The following PABPC1L variants were observed in gnomAD, a reference collection of about 807,000 sequenced individuals.
The protein encoded by PABPC1L is poly(A) binding protein cytoplasmic 1 like.
Under a neutral mutation model 66.6 loss-of-function variants are expected in PABPC1L, and 31 were observed. The observed-to-expected ratio is 0.47, with a 90% CI of 0.35 to 0.63. PABPC1L has a LOEUF of 0.63. PABPC1L is among the 20% of genes least tolerant of loss of function. The pLI, the probability that PABPC1L is intolerant of heterozygous loss-of-function variation, is 0.00. For synonymous variants in PABPC1L, 348 were observed against 335.1 expected (o/e 1.04, Z -0.42); for missense variants, 722 against 848.8 (o/e 0.85, Z 1.86).
At chr20:44,935,098 T>G (rs2066891156) in intron 10 of PABPC1L, among the ~76,000 whole-genome samples, 1 of 151,888 alleles carries the variant, frequency 6.6e-6, no homozygotes, top group Admixed American at 6.6e-5. Context: ...AGAAAATGTT[T>G]GTACAAATAG....
At chr20:44,938,247 C>T in intron 13 of PABPC1L, 56 bp downstream of exon 13, 4 of 1,583,410 alleles carry the variant, frequency 2.5e-6, no homozygotes, top group Non-Finnish European at 3.4e-6. Context: ...GAGCTAACGA[C>T]AAGGGCTCTC....
chr20:44,923,323 G>A (rs752595895), intron 6 of PABPC1L, among the ~76,000 whole-genome samples: 1 of 152,010 alleles, frequency 6.6e-6, no homozygotes, highest in Non-Finnish European at 1.5e-5. Flanking sequence ...TTGTTGTGAG[G>A]ATTAAAAATC....
chr20:44,933,676 C>A (rs1887545438), intron 10 of PABPC1L, among the ~76,000 whole-genome samples: 1 of 150,680 alleles, frequency 6.6e-6, no homozygotes, highest in Non-Finnish European at 1.5e-5. Flanking sequence ...AACTCCTGAT[C>A]TCAGGTGATC....
intron 6 of PABPC1L, among the ~76,000 whole-genome samples, 162 bp downstream of exon 6, chr20:44,921,893 C>T (rs1217748098): frequency 6.6e-6 from 1 of 152,192 alleles, no homozygotes; most frequent in East Asian, 1.9e-4. Flanking sequence ...TAATGTATAA[C>T]AGTGAGAAAC....
chr20:44,927,539 G>T (rs867472074), intron 7 of PABPC1L, among the ~76,000 whole-genome samples: 10 of 151,834 alleles, frequency 6.6e-5, no homozygotes, highest in Non-Finnish European at 2.9e-5. Context: ...AGTAGAGATG[G>T]GGTGTCACTA....
chr20:44,935,362 T>TTTTTG (rs749198838), intron 10 of PABPC1L, 29 bp from the exon 11 acceptor site: 437 of 1,567,140 alleles, frequency 2.8e-4, no homozygotes, highest in Non-Finnish European at 3.4e-4. Flanking sequence ...AACTCTGCTT[T>TTTTTG]TTTTGTTTTG....
At chr20:44,938,395 G>A (rs149572140) in intron 13 of PABPC1L, among the ~76,000 whole-genome samples, 52 of 152,338 alleles carry the variant, frequency 3.4e-4, no homozygotes, top group Non-Finnish European at 2.9e-5. Context: ...GACTAATTCT[G>A]TGTTGTTCTG....
rs543570096 is a variant in PABPC1L at position 44,929,958 on chromosome 20, G to C, written c.973-502G>C. ...GGCTTGGTACTTAGCAGAGGCGATAGAAGCTTACCAGAACAATGTGTTGGG... is the reference window on the plus strand; with the variant it reads ...GGCTTGGTACTTAGCAGAGGCGATACAAGCTTACCAGAACAATGTGTTGGG... On this transcript the variant is annotated intron_variant, in intron 7 of 14. Transcript: ENST00000217073. Among the ~76,000 whole-genome samples the C allele has an allele frequency of 4.6e-5, 7 of 152,286 alleles. No homozygotes were observed. In the South Asian group the frequency reaches 1.0e-3, roughly 23 times the overall value.
chr20:44,913,670 G>A (rs571374579), intron 2 of PABPC1L, among the ~76,000 whole-genome samples: 1 of 152,030 alleles, frequency 6.6e-6, no homozygotes, highest in Admixed American at 6.5e-5. Context: ...CAAAATGCTG[G>A]GATTACAGCC....
chr20:44,911,219 C>T lies in PABPC1L; in HGVS notation c.193+883C>T, dbSNP rs555575045. 1.6e-3 allele frequency among the ~76,000 whole-genome samples: 236 copies of T among 151,688 alleles called. 1 individual carries two copies. The highest frequency in any genetic ancestry group is 5.1e-3 in the African/African-American group (208 of 41,076). ...TGGCTCACGCCTGTAATCCCAGCATCTTAGGAGGCCGAGGTGGGCAGATCA... is the reference window on the plus strand; with the variant it reads ...TGGCTCACGCCTGTAATCCCAGCATTTTAGGAGGCCGAGGTGGGCAGATCA... On this transcript the variant is annotated intron_variant, in intron 1 of 14. Transcript: ENST00000217073.
chr20:44,925,020 T>C (rs2066799502), intron 7 of PABPC1L, among the ~76,000 whole-genome samples: 1 of 145,954 alleles, frequency 6.9e-6, no homozygotes, highest in Non-Finnish European at 1.5e-5. Flanking sequence ...GAGACCATCC[T>C]CGCTAACACG....
chr20:44,935,621 G>C, intron 11 of PABPC1L, 124 bp downstream of exon 11: 6 of 687,142 alleles, frequency 8.7e-6, no homozygotes, highest in Non-Finnish European at 1.0e-5. Flanking sequence ...GTTTATTAAT[G>C]TGTACAATCA....
intron 11 of PABPC1L, among the ~76,000 whole-genome samples, chr20:44,936,173 A>G (rs2066899345): frequency 6.6e-6 from 1 of 152,030 alleles, no homozygotes; most frequent in African/African-American, 2.4e-5. Flanking sequence ...TTATGTTGCC[A>G]AGGCTGATCT....
intron 2 of PABPC1L, among the ~76,000 whole-genome samples, chr20:44,913,083 G>C (rs2066715808): frequency 6.6e-6 from 1 of 152,178 alleles, no homozygotes; most frequent in Non-Finnish European, 1.5e-5. Flanking sequence ...CAAATTTAGT[G>C]GCCGTCAACA....
intron 7 of PABPC1L, among the ~76,000 whole-genome samples, chr20:44,926,507 G>A (rs2145569846): frequency 6.6e-6 from 1 of 151,350 alleles, no homozygotes; most frequent in East Asian, 1.9e-4. Flanking sequence ...TTACAAGAAT[G>A]AGCCACCACG....
chr20:44,939,302 G>A lies in PABPC1L; in HGVS notation c.*183G>A, dbSNP rs2066925738. ...TTACCTTTTGCTTTGTGTATTAAAA[G>A]TGCTGCAAAATCTGCCTTGCCTCCC... On this transcript the variant is annotated 3_prime_UTR_variant, in exon 15 of 15. Transcript: ENST00000217073. 2.9e-6 allele frequency: 2 copies of A among 693,322 alleles called. No individual in the cohort carries two copies. Among genetic ancestry groups the A allele is most frequent in the Non-Finnish European group, 5.4e-6 (2 of 373,558 alleles). 42.9% of individuals were successfully genotyped at this position (693,322 alleles called of 1,614,324 possible). A position where few individuals can be genotyped will look rare whatever the true frequency, so the allele number is the denominator to read the frequency against.
At chr20:44,920,695 G>A (rs1049240750) in intron 5 of PABPC1L, among the ~76,000 whole-genome samples, 22 of 144,730 alleles carry the variant, frequency 1.5e-4, no homozygotes, top group Non-Finnish European at 3.0e-5. Context: ...TATCGAACTC[G>A]TGACCTCAAG....
Position 44,916,768 on chromosome 20 carries a change from G to C in PABPC1L, c.400G>C (p.Glu134Gln), listed in dbSNP as rs746446877. The change falls in exon 3 of 15, where the codon GAG becomes CAG. Residue 134 changes from glutamate (E) to glutamine (Q), a missense_variant. Around this residue, in one of 3 missense-constraint regions of PABPC1L, gnomAD observed 284 missense variants for 294.8 expected, o/e 0.96. Coordinates refer to ENST00000217073, the MANE Select transcript of PABPC1L (RefSeq NM_001372179.1). Reference sequence around the variant, plus strand: ...CCCTGTGGCCCAGGTGGCGTGTGACGAGCATGGCTCCCGGGGTTTCGGCTT... The same window carrying C: ...CCCTGTGGCCCAGGTGGCGTGTGACCAGCATGGCTCCCGGGGTTTCGGCTT... Reference protein sequence around the residue: ...NILSCKVACDEHGSRGFGFVH... With the variant: ...NILSCKVACDQHGSRGFGFVH... The C allele has an allele frequency of 2.5e-6, 4 of 1,614,050 alleles. No homozygotes were observed. Among genetic ancestry groups the C allele is most frequent in the Middle Eastern group, 1.6e-4 (1 of 6,084 alleles).
At chr20:44,929,519 G>T (rs537243186) in intron 7 of PABPC1L, among the ~76,000 whole-genome samples, 2 of 152,250 alleles carry the variant, frequency 1.3e-5, no homozygotes, top group Non-Finnish European at 1.5e-5. Context: ...AGCAGGCCAG[G>T]CATGGTGGCT....
Sources: allele counts gnomAD v4.1 joint callset (sites outside exome capture counted in the v4.1 genomes callset), GRCh38; gene constraint gnomAD v4.1.1; regional missense constraint gnomAD v4.1.1; transcripts MANE v1.5; gene names NCBI Gene and HGNC (gene_info 2026-07-23, HGNC 2026-07-21).